Variants in SLC15A1 observed in about 807,000 individuals in gnomAD.
The protein encoded by SLC15A1 is Caco-2 oligopeptide transporter.
A neutral mutation model predicts 92.9 loss-of-function variants in SLC15A1; 83 were observed. The ratio of observed to expected loss-of-function variants is 0.89; its 90% CI spans 0.75 to 1.07. The LOEUF (loss-of-function observed/expected upper bound fraction) is 1.07, where lower values mean the gene tolerates loss of function less well. SLC15A1 is among the 50% of genes least tolerant of loss of function. SLC15A1 has a pLI of 0.00. For missense variants in SLC15A1, 857 were observed against 880.1 expected, an observed-to-expected ratio of 0.97 and a Z score of 0.33; for synonymous variants, 322 against 318.2, an observed-to-expected ratio of 1.01 and a Z score of -0.13.
At chr13:98,710,455 A>G (rs1406478894) in intron 11 of SLC15A1, among the ~76,000 whole-genome samples, 2 of 152,202 alleles carry the variant, frequency 1.3e-5, no homozygotes, top group Non-Finnish European at 2.9e-5. Flanking sequence ...GATTATGTCT[A>G]TGGAAGACTA....
Position 98,752,672 on chromosome 13 carries a change from C to T in SLC15A1, c.-74G>A, listed in dbSNP as rs2088557364. The T allele has an allele frequency of 3.3e-6, 4 of 1,219,204 alleles. No homozygotes were observed. Among genetic ancestry groups the T allele is most frequent in the Non-Finnish European group, 4.1e-6 (4 of 973,126 alleles). The allele number at this position is 1,219,204 out of a possible 1,614,324, so 75.5% of individuals were successfully genotyped here. A position where few individuals can be genotyped will look rare whatever the true frequency, so the allele number is the denominator to read the frequency against. Reference sequence around the variant, plus strand: ...GGCAGGTGCTACTCCTCCGACCTGACGTCCAGGCCCGGCCCCGTTGCCCCA... The same window carrying T: ...GGCAGGTGCTACTCCTCCGACCTGATGTCCAGGCCCGGCCCCGTTGCCCCA... On this transcript the variant is annotated 5_prime_UTR_variant, in exon 1 of 23. Coordinates refer to ENST00000376503, the MANE Select transcript of SLC15A1 (RefSeq NM_005073.4).
chr13:98,688,602 G>A (rs748143184), intron 18 of SLC15A1, 25 bp from the exon 19 acceptor site: 9 of 1,518,874 alleles, frequency 5.9e-6, no homozygotes, highest in Admixed American at 1.7e-5. Flanking sequence ...CATCTGTCTT[G>A]TAACTGAACT....
chr13:98,691,372 T>C (rs1406040970), intron 18 of SLC15A1, among the ~76,000 whole-genome samples: 1 of 152,264 alleles, frequency 6.6e-6, no homozygotes, highest in Non-Finnish European at 1.5e-5. Flanking sequence ...CATTCCATCA[T>C]ATGGATATAC....
Position 98,723,897 on chromosome 13 carries a change from T to C in SLC15A1, c.365+15A>G. 1 of 1,613,954 alleles carries C rather than the reference T, an allele frequency of 6.2e-7. No individual in the cohort carries two copies. ...GGTGGGAGGGTGATGGGGGCAGCAG[T>C]GAGCACCAACTCACACGTGCACAGG... is the stretch of plus-strand genomic sequence containing the variant. On this transcript the variant is annotated intron_variant, in intron 5 of 22. Coordinates refer to ENST00000376503, the MANE Select transcript of SLC15A1 (RefSeq NM_005073.4).
intron 18 of SLC15A1, among the ~76,000 whole-genome samples, chr13:98,694,059 AGAG>A (rs774055136): frequency 1.3e-5 from 2 of 152,218 alleles, no homozygotes; most frequent in Non-Finnish European, 2.9e-5. Context: ...ATTTCTGTGG[AGAG>A]GATCAACTTC....
intron 6 of SLC15A1, 26 bp from the exon 7 acceptor site, chr13:98,721,611 T>C: frequency 1.3e-6 from 2 of 1,524,674 alleles, no homozygotes; most frequent in Non-Finnish European, 1.8e-6. Flanking sequence ...GAAAGTAAGA[T>C]GACTTTGGCT....
At chr13:98,695,040 A>AAG (rs1236398168) in intron 18 of SLC15A1, among the ~76,000 whole-genome samples, 2 of 151,434 alleles carry the variant, frequency 1.3e-5, no homozygotes, top group Non-Finnish European at 2.9e-5. Context: ...AAAAAAAAAA[A>AAG]AGAGATGCAT....
At chr13:98,721,085 A>G in intron 7 of SLC15A1, 1 of 473,288 alleles carries the variant, frequency 2.1e-6, no homozygotes, top group Non-Finnish European at 4.4e-6. Flanking sequence ...AATCAATACA[A>G]TTTTGCCCAG....
Position 98,684,882 on chromosome 13 carries a change from G to GA in SLC15A1, c.1968dup (p.Leu657SerfsTer27). 1 of 1,613,944 alleles carries GA rather than the reference G, an allele frequency of 6.2e-7. No individual in the cohort carries two copies. The highest frequency in any genetic ancestry group is 8.5e-7 in the Non-Finnish European group (1 of 1,179,882). ...ATGGCAAAAATTACACAGACGACCAGAAGCAACGCGGCAAATAGAATGTAC... is the reference window on the plus strand; with the variant it reads ...ATGGCAAAAATTACACAGACGACCAGAAAGCAACGCGGCAAATAGAATGTAC... On this transcript the variant is annotated frameshift_variant, in exon 23 of 23. Coordinates refer to ENST00000376503, the MANE Select transcript of SLC15A1 (RefSeq NM_005073.4). LOFTEE classifies it low-confidence loss of function (END_TRUNC).
chr13:98,726,161 G>T lies in SLC15A1; in HGVS notation c.207C>A (p.Leu69=), dbSNP rs768700499. The change falls in exon 4 of 23, where the codon CTC becomes CTA. Residue 69 remains leucine (L), a synonymous_variant. Coordinates refer to ENST00000376503, the MANE Select transcript of SLC15A1 (RefSeq NM_005073.4). ...FVALCYLTPI[L]GALIADSWLG... ...GCCACGAGTCGGCGATAAGAGCTCCGAGAATTGGCGTCAGGTAGCACAGAG... is the reference window on the plus strand; with the variant it reads ...GCCACGAGTCGGCGATAAGAGCTCCTAGAATTGGCGTCAGGTAGCACAGAG... 4 of 1,614,138 alleles carry T rather than the reference G, an allele frequency of 2.5e-6. No individual in the cohort carries two copies. The South Asian group carries it at 3.3e-5, about 13-fold the overall frequency.
At chr13:98,730,745 A>G (rs865927146) in intron 1 of SLC15A1, among the ~76,000 whole-genome samples, 2 of 152,194 alleles carry the variant, frequency 1.3e-5, no homozygotes, top group Non-Finnish European at 2.9e-5. Flanking sequence ...TGTTTGTGGG[A>G]CACGTTTCCT....
rs1331337492 is a variant in SLC15A1 at position 98,752,513 on chromosome 13, G to T, written c.4+82C>A. ...CTTCCCGCCGCCGCGTACCCTTCGC[G>T]CCTCCCGGCCCTCGGTGCCGGCCCC... is the stretch of plus-strand genomic sequence containing the variant. On this transcript the variant is annotated intron_variant, in intron 1 of 22. Coordinates refer to ENST00000376503, the MANE Select transcript of SLC15A1 (RefSeq NM_005073.4). 2.8e-5 allele frequency: 34 copies of T among 1,209,518 alleles called. 1 individual carries two copies. In the Admixed American group the frequency reaches 1.1e-3, roughly 39 times the overall value. The allele number at this position is 1,209,518 out of a possible 1,614,324, so 74.9% of individuals were successfully genotyped here.
At chr13:98,717,497 G>A (rs1235164809) in intron 8 of SLC15A1, among the ~76,000 whole-genome samples, 2 of 152,202 alleles carry the variant, frequency 1.3e-5, no homozygotes, top group East Asian at 1.9e-4. Flanking sequence ...GACTTGTACA[G>A]ATGAGATAAC....
intron 18 of SLC15A1, among the ~76,000 whole-genome samples, chr13:98,692,158 T>C (rs1048359184): frequency 9.1e-6 from 1 of 110,082 alleles, no homozygotes; most frequent in Non-Finnish European, 1.7e-5. Context: ...TTTTTTTTTT[T>C]TTTTTTTTTT....
At chr13:98,701,723 T>C (rs1269640394) in intron 18 of SLC15A1, among the ~76,000 whole-genome samples, 2 of 146,494 alleles carry the variant, frequency 1.4e-5, no homozygotes, top group Non-Finnish European at 3.0e-5. Flanking sequence ...TAGGCTGGAG[T>C]GCAGCAGCAC....
At chr13:98,685,984 C>CA (rs869045159) in intron 22 of SLC15A1, among the ~76,000 whole-genome samples, 4,415 of 103,130 alleles carry the variant, frequency 0.043, 138 homozygotes, top group East Asian at 0.13. Context: ...GACTCCGTCT[C>CA]AAAAAAAAAA....
At chr13:98,696,066 A>T (rs1593982092) in intron 18 of SLC15A1, among the ~76,000 whole-genome samples, 1 of 151,672 alleles carries the variant, frequency 6.6e-6, no homozygotes, top group Middle Eastern at 3.4e-3. Context: ...AAGTGTTGCT[A>T]ATCTCGTGGG....
At chr13:98,701,493 T>A (rs2088066529) in intron 18 of SLC15A1, among the ~76,000 whole-genome samples, 1 of 150,860 alleles carries the variant, frequency 6.6e-6, no homozygotes, top group African/African-American at 2.4e-5. Flanking sequence ...ATTTATTTAT[T>A]TATATATATA....
At chr13:98,707,892 A>T (rs1756990) in intron 15 of SLC15A1, among the ~76,000 whole-genome samples, 5,082 of 24,744 alleles carry the variant, frequency 0.21, 422 homozygotes, top group African/African-American at 0.43. Context: ...GACCCTGTTT[A>T]AAAAAAAAAA....
Sources: gnomAD v4.1 joint callset for allele counts (sites outside exome capture counted in the v4.1 genomes callset) on GRCh38, gnomAD v4.1.1 for gene constraint, MANE v1.5 for transcripts, NCBI Gene and HGNC (gene_info 2026-07-23, HGNC 2026-07-21) for gene names.